ZNF280C: variants seen among roughly 807,000 people sequenced by gnomAD.
ZNF280C encodes suppressor of hairy wing homolog 3.
A neutral mutation model predicts 53.6 loss-of-function variants in ZNF280C; 14 were observed. The ratio of observed to expected loss-of-function variants is 0.26; its 90% CI spans 0.17 to 0.41. ZNF280C has a LOEUF of 0.41. Among genes scored for constraint, ZNF280C ranks in the 10% least tolerant of loss-of-function variants. The probability of loss-of-function intolerance (pLI) is 1.00; values close to 1 mark genes in which losing one functional copy is unlikely to be tolerated. For missense variants in ZNF280C, 416 were observed against 547.1 expected (o/e 0.76, Z 2.39); for synonymous variants, 203 against 181.1 (o/e 1.12, Z -0.97).
chrX:130,223,733 C>T (rs904554359), intron 12 of ZNF280C, among the ~76,000 whole-genome samples: 1 of 111,947 alleles, frequency 8.9e-6, no homozygotes, highest in Non-Finnish European at 1.9e-5. Flanking sequence ...GTATAAACTG[C>T]ATTGCTAACT....
intron 2 of ZNF280C, among the ~76,000 whole-genome samples, chrX:130,257,465 A>G (rs775919386): frequency 3.2e-4 from 36 of 111,895 alleles, no homozygotes; most frequent in African/African-American, 1.2e-3. Flanking sequence ...AAGCTTTAAG[A>G]AAACCAAAAT....
chrX:130,212,864 A>G (rs1377546275), intron 15 of ZNF280C, among the ~76,000 whole-genome samples: 2 of 111,563 alleles, frequency 1.8e-5, no homozygotes, highest in African/African-American at 6.5e-5. Context: ...AATGCAAGAG[A>G]TGACGAACAG....
intron 2 of ZNF280C, among the ~76,000 whole-genome samples, chrX:130,251,745 A>C (rs767462615): frequency 9.0e-4 from 98 of 108,904 alleles, no homozygotes; most frequent in African/African-American, 3.0e-3. Flanking sequence ...ACTGAGATCG[A>C]AACACTGCAC....
chrX:130,247,776 T>C (rs1294945179), intron 2 of ZNF280C, among the ~76,000 whole-genome samples: 4 of 110,224 alleles, frequency 3.6e-5, no homozygotes, highest in Non-Finnish European at 5.7e-5. Flanking sequence ...ATAGGAGATA[T>C]ACTAGAAAAA....
In ZNF280C at chrX:130,250,949, T is replaced by C. The variant is rs979661882; in HGVS notation, c.32-3944A>G. On this transcript the variant is annotated intron_variant, in intron 2 of 18. Coordinates refer to ENST00000370978, the MANE Select transcript of ZNF280C (RefSeq NM_017666.5). Reference sequence around the variant, plus strand: ...CCCCCATCTCTACTAAAATACAAAATTAGCCAGGGTGATGGTGAAAGCCTG... The same window carrying C: ...CCCCCATCTCTACTAAAATACAAAACTAGCCAGGGTGATGGTGAAAGCCTG... 1.3e-4 allele frequency among the ~76,000 whole-genome samples: 14 copies of C among 109,741 alleles called. No individual in the cohort carries two copies. In the East Asian group the frequency reaches 1.4e-3, roughly 11 times the overall value.
At chrX:130,250,517 A>C (rs1396039642) in intron 2 of ZNF280C, among the ~76,000 whole-genome samples, 3 of 112,094 alleles carry the variant, frequency 2.7e-5, no homozygotes, top group Admixed American at 9.5e-5. Context: ...ATGCACACCA[A>C]CTAGAAAATC....
Position 130,236,586 on chromosome X carries a change from T to A in ZNF280C, c.547A>T (p.Ser183Cys). Residue 183 changes from serine to cysteine, a missense_variant, in exon 7 of 19, where the codon AGT becomes TGT. Ser to Cys is a moderately radical substitution (Grantham distance 112, BLOSUM62 -1). Transcript: ENST00000370978. ...LKHPSTSKVN[S>C]VTPKKPKTSE... is the part of the protein sequence containing the mutation. ...GTCTTTGGTTTTTTTGGAGTAACAC[T>A]GTTTACTTTAGAAGTAGAAGGATGT... The A allele has an allele frequency of 1.7e-6, 2 of 1,200,386 alleles. No homozygotes were observed. The highest frequency in any genetic ancestry group is 1.8e-5 in the South Asian group (1 of 55,424).
At chrX:130,264,139 C>CTAACAAAGA (rs1189249443) in intron 1 of ZNF280C, among the ~76,000 whole-genome samples, 1 of 110,390 alleles carries the variant, frequency 9.1e-6, no homozygotes, top group Non-Finnish European at 1.9e-5. Flanking sequence ...AAGAAAGAAC[C>CTAACAAAGA]TAACAAAGAT....
chrX:130,213,780 C>G (rs2032069849), intron 15 of ZNF280C, among the ~76,000 whole-genome samples: 1 of 110,806 alleles, frequency 9.0e-6, no homozygotes, highest in East Asian at 2.8e-4. Flanking sequence ...AGTGCTAGCA[C>G]TAAAGAAGTA....
chrX:130,243,802 G>A lies in ZNF280C; in HGVS notation c.242C>T (p.Pro81Leu), dbSNP rs373737329. The A allele has an allele frequency of 2.3e-5, 27 of 1,186,803 alleles. 2 individuals carry two copies. Among genetic ancestry groups the A allele is most frequent in the Admixed American group, 4.5e-5 (2 of 44,509 alleles). Reference sequence around the variant, plus strand: ...GAAATACTACAGTAATACTGTACCTGGACTGTGTGGCTCACTCTTTATTCC... The same window carrying A: ...GAAATACTACAGTAATACTGTACCTAGACTGTGTGGCTCACTCTTTATTCC... ...SKGIKSEPHS[P>L]GIPEIFRTAS... The change falls in exon 4 of 19, where the codon CCA becomes CTA. Residue 81 changes from proline (P) to leucine (L), a missense_variant and splice_region_variant. By Grantham distance (98) the Pro-to-Leu change is moderately conservative. This residue lies in a region of ZNF280C where 193 missense variants were observed against 201.4 expected (regional missense o/e 0.96). Transcript: ENST00000370978.
intron 2 of ZNF280C, 28 bp downstream of exon 2, chrX:130,260,391 T>C: frequency 3.4e-6 from 4 of 1,176,233 alleles, no homozygotes; most frequent in Non-Finnish European, 4.6e-6. Flanking sequence ...CCATGCCTAT[T>C]AGTATCAACT....
chrX:130,264,908 C>T (rs928647654), intron 1 of ZNF280C, among the ~76,000 whole-genome samples: 7 of 111,495 alleles, frequency 6.3e-5, no homozygotes, highest in African/African-American at 2.0e-4. Flanking sequence ...GTATAGTACG[C>T]AAATCCAAGA....
intron 13 of ZNF280C, among the ~76,000 whole-genome samples, chrX:130,216,932 G>A (rs1425248147): frequency 1.8e-5 from 2 of 111,463 alleles, no homozygotes; most frequent in Non-Finnish European, 3.8e-5. Flanking sequence ...CCCAGGAGGC[G>A]GAGGTTGCAG....
Position 130,206,911 on chromosome X carries a change from C to T in ZNF280C, c.2043-1496G>A, listed in dbSNP as rs180691853. Among the ~76,000 whole-genome samples the T allele has an allele frequency of 6.1e-4, 68 of 112,330 alleles. 2 individuals are homozygous for T. The highest frequency in any genetic ancestry group is 2.1e-3 in the African/African-American group (66 of 30,963). On this transcript the variant is annotated intron_variant, in intron 16 of 18. Transcript: ENST00000370978. Reference sequence around the variant, plus strand: ...GTTAACGATTTATCGAGTACTTACTCTATGCCAGTCTGAGGGTTTTAGACA... The same window carrying T: ...GTTAACGATTTATCGAGTACTTACTTTATGCCAGTCTGAGGGTTTTAGACA...
rs1342779828 is a variant in ZNF280C at position 130,236,523 on chromosome X, A to G, written c.610T>C (p.Leu204=). The change falls in exon 7 of 19, where the codon TTG becomes CTG. Residue 204 remains leucine (L), a synonymous_variant. Coordinates refer to ENST00000370978, the MANE Select transcript of ZNF280C (RefSeq NM_017666.5). ...ACTGGAGGAGAGCCAATTAAAGGCA[A>G]TGAAGTGGAGGGATTTATCTGAGGA... ...DVPQINPSTS[L]PLIGSPPVTS... is the part of the protein sequence containing the mutation. The G allele has an allele frequency of 8.3e-7, 1 of 1,208,013 alleles. No individual in the cohort carries two copies. Among genetic ancestry groups the G allele is most frequent in the East Asian group, 3.0e-5 (1 of 33,672 alleles).
At chrX:130,236,104 G>C (rs186073018) in intron 8 of ZNF280C, 110 bp downstream of exon 8, 125 of 417,369 alleles carry the variant, frequency 3.0e-4, no homozygotes, top group African/African-American at 2.8e-3. Flanking sequence ...CCAATACGAG[G>C]TTTCTTCTCT....
At chrX:130,233,993 G>T (rs1463573595) in intron 8 of ZNF280C, among the ~76,000 whole-genome samples, 1 of 109,249 alleles carries the variant, frequency 9.2e-6, no homozygotes, top group Admixed American at 9.7e-5. Flanking sequence ...AAAAAAAAAA[G>T]GACAAAGAAA....
chrX:130,222,599 G>A lies in ZNF280C; in HGVS notation c.1396-2119C>T, dbSNP rs1010903868. ...ACATTAATCTACTATTCCCTTAGTT[G>A]GACTCAAGTCCTGGATATCCCTCTT... On this transcript the variant is annotated intron_variant, in intron 12 of 18. Transcript: ENST00000370978. 5.4e-5 allele frequency among the ~76,000 whole-genome samples: 6 copies of A among 112,016 alleles called. No individual in the cohort carries two copies. The Admixed American group carries it at 5.7e-4, about 11-fold the overall frequency.
At chrX:130,210,559 G>T (rs1232768836) in intron 15 of ZNF280C, among the ~76,000 whole-genome samples, 1 of 111,939 alleles carries the variant, frequency 8.9e-6, no homozygotes, top group Non-Finnish European at 1.9e-5. Flanking sequence ...AATGATCCTG[G>T]AAGTAAACAC....
Sources: gnomAD v4.1 joint callset for allele counts (sites outside exome capture counted in the v4.1 genomes callset) on GRCh38, gnomAD v4.1.1 for gene constraint, gnomAD v4.1.1 regional missense constraint, MANE v1.5 for transcripts, NCBI Gene and HGNC (gene_info 2026-07-23, HGNC 2026-07-21) for gene names.